The following SMAD4 variants were observed in gnomAD, a reference collection of about 807,000 sequenced individuals.
SMAD4 encodes SMAD family member 4.
In SMAD4, 7 loss-of-function variants were observed where a neutral mutation model predicts 63.2. That is an observed-to-expected ratio of 0.11 (90% CI 0.06 to 0.21). The LOEUF (loss-of-function observed/expected upper bound fraction) is 0.21, where lower values mean the gene tolerates loss of function less well. Ranked by LOEUF, SMAD4 falls within the 10% of genes least tolerant of loss-of-function variation. The probability of loss-of-function intolerance (pLI) is 1.00; values close to 1 mark genes in which losing one functional copy is unlikely to be tolerated. For synonymous variants in SMAD4, 215 were observed against 235.4 expected, an observed-to-expected ratio of 0.91 and a Z score of 0.79; for missense variants, 312 against 693.8, an observed-to-expected ratio of 0.45 and a Z score of 6.18.
rs1909572382 is a variant in SMAD4 at position 51,047,286 on chromosome 18, G to A, written c.240G>A (p.Gly80=). 6.2e-7 allele frequency: 1 copy of A among 1,613,834 alleles called. No homozygotes were observed. Among genetic ancestry groups the A allele is most frequent in the Non-Finnish European group, 8.5e-7 (1 of 1,179,870 alleles). Residue 80 remains glycine, a synonymous_variant, in exon 2 of 12, where the codon GGG becomes GGA. Transcript: ENST00000342988. ...TTACCATACAGAGAACATTGGATGG[G>A]AGGCTTCAGGTTAGTCTTATAAGAG... The part of the protein sequence containing the change: ...KCVTIQRTLD[G]RLQVAGRKGF...
At chr18:51,042,516 C>T (rs1483080305) in intron 1 of SMAD4, among the ~76,000 whole-genome samples, 11 of 151,818 alleles carry the variant, frequency 7.2e-5, no homozygotes, top group Admixed American at 2.6e-4. Flanking sequence ...GGACTATAGG[C>T]ATGTGCCACC....
At position 51,078,662 on chromosome 18, in the gene SMAD4, G is replaced by A. The variant is rs1234110198; in HGVS notation, c.*195G>A. ...ATTTTTTTTTTCCTCTTCAGAACTT[G>A]TCAGGCATGGCTCAGAGCTTGAAGA... On this transcript the variant is annotated 3_prime_UTR_variant, in exon 12 of 12. Coordinates refer to ENST00000342988, the MANE Select transcript of SMAD4 (RefSeq NM_005359.6). The A allele has an allele frequency of 1.8e-6, 1 of 565,524 alleles. No individual in the cohort carries two copies. Among genetic ancestry groups the A allele is most frequent in the Non-Finnish European group, 3.1e-6 (1 of 318,186 alleles). 35.0% of individuals were successfully genotyped at this position (565,524 alleles called of 1,614,324 possible).
At chr18:51,053,445 G>A (rs1389929209) in intron 4 of SMAD4, 1 of 151,968 alleles carries the variant, frequency 6.6e-6, no homozygotes, top group Non-Finnish European at 1.5e-5. Context: ...ATGAGTGGTT[G>A]TGTTCAGTTT....
rs2144452098 is a variant in SMAD4 at position 51,067,076 on chromosome 18, C to T, written c.1197C>T (p.Val399=). Residue 399 remains valine, a synonymous_variant, in exon 10 of 12, where the codon GTC becomes GTT. Transcript: ENST00000342988. ...GTAAAGGTGAAGGTGATGTTTGGGT[C>T]AGGTGCCTTAGTGACCACGCGGTCT... The part of the protein sequence containing the change: ...LECKGEGDVW[V]RCLSDHAVFV... 6.2e-7 allele frequency: 1 copy of T among 1,613,504 alleles called. No individual in the cohort carries two copies. The highest frequency in any genetic ancestry group is 1.7e-4 in the Middle Eastern group (1 of 6,060).
Position 51,081,538 on chromosome 18 carries a change from C to T in SMAD4, c.*3071C>T, listed in dbSNP as rs1910612969. 4.3e-6 allele frequency: 1 copy of T among 231,958 alleles called. No homozygotes were observed. The highest frequency in any genetic ancestry group is 8.5e-6 in the Non-Finnish European group (1 of 117,334). The allele number at this position is 231,958 out of a possible 1,614,324, so 14.4% of individuals were successfully genotyped here. A position where few individuals can be genotyped will look rare whatever the true frequency, so the allele number is the denominator to read the frequency against. On this transcript the variant is annotated 3_prime_UTR_variant, in exon 12 of 12. Coordinates refer to ENST00000342988, the MANE Select transcript of SMAD4 (RefSeq NM_005359.6). ...GTAACCACTAAATAGGTTGCCTATA[C>T]CATTCCTCCTGTGAACAGTGCAGAT... is the stretch of plus-strand genomic sequence containing the variant.
At chr18:51,059,069 C>T (rs1307921446) in intron 7 of SMAD4, among the ~76,000 whole-genome samples, 1 of 151,892 alleles carries the variant, frequency 6.6e-6, no homozygotes, top group Non-Finnish European at 1.5e-5. Flanking sequence ...GCAAAATTAC[C>T]CTGAATCCTG....
rs140511143 is a variant in SMAD4, at chr18:51,038,515, T to C, written c.-128+7892T>C. Reference sequence around the variant, plus strand: ...GAATAAAAGATGAATATCCATTGTTTTCTGAGAAGGCTGTTAAAATACTCC... The same window carrying C: ...GAATAAAAGATGAATATCCATTGTTCTCTGAGAAGGCTGTTAAAATACTCC... On this transcript the variant is annotated intron_variant, in intron 1 of 11. Coordinates refer to ENST00000342988, the MANE Select transcript of SMAD4 (RefSeq NM_005359.6). Among the ~76,000 whole-genome samples, 1,211 of 152,330 alleles carry C rather than the reference T, an allele frequency of 7.9e-3. 66 individuals are homozygous for C. Among genetic ancestry groups the C allele is most frequent in the Admixed American group, 0.071 (1,093 of 15,294 alleles).
In SMAD4 at chr18:51,081,673, C is replaced by T. The variant is rs1910616145; in HGVS notation, c.*3206C>T. On this transcript the variant is annotated 3_prime_UTR_variant, in exon 12 of 12. Coordinates refer to ENST00000342988, the MANE Select transcript of SMAD4 (RefSeq NM_005359.6). ...AGACTTAAAATCCATTTTTGTGGGG[C>T]AGGGTGTGGTGTGTAAAGGGGGGTG... 1 of 232,500 alleles carries T rather than the reference C, an allele frequency of 4.3e-6. No homozygotes were observed. The highest frequency in any genetic ancestry group is 2.2e-5 in the African/African-American group (1 of 45,212). 14.4% of individuals were successfully genotyped at this position (232,500 alleles called of 1,614,324 possible). A position where few individuals can be genotyped will look rare whatever the true frequency, so the allele number is the denominator to read the frequency against.
At chr18:51,078,204 A>T (rs374123311) in intron 11 of SMAD4, 52 bp from the exon 12 acceptor site, 189 of 1,380,960 alleles carry the variant, frequency 1.4e-4, no homozygotes, top group Non-Finnish European at 1.9e-4. Context: ...TGTAGGGAGG[A>T]TGGGAAGAGA....
chr18:51,032,444 A>G (rs897615537), intron 1 of SMAD4, among the ~76,000 whole-genome samples: 1 of 152,194 alleles, frequency 6.6e-6, no homozygotes, highest in African/African-American at 2.4e-5. Flanking sequence ...TACATGAATG[A>G]TTGATCTTTT....
chr18:51,044,175 C>T (rs1033622596), intron 1 of SMAD4, among the ~76,000 whole-genome samples: 7 of 152,126 alleles, frequency 4.6e-5, no homozygotes, highest in Non-Finnish European at 2.9e-5. Context: ...TACTGAGTCT[C>T]ACTCTGTTGC....
At chr18:51,036,498 A>G (rs1045186159) in intron 1 of SMAD4, among the ~76,000 whole-genome samples, 1 of 152,196 alleles carries the variant, frequency 6.6e-6, no homozygotes, top group Non-Finnish European at 1.5e-5. Context: ...CATTGTACAT[A>G]AACACATTAG....
chr18:51,037,220 T>C (rs7240396), intron 1 of SMAD4, among the ~76,000 whole-genome samples: 4 of 152,226 alleles, frequency 2.6e-5, no homozygotes, highest in African/African-American at 9.6e-5. Flanking sequence ...TATTTTTCAG[T>C]TATCAGTTAT....
Position 51,084,012 on chromosome 18 carries a change from GCACACA to G in SMAD4, c.*5572_*5577del, listed in dbSNP as rs56017493. On this transcript the variant is annotated 3_prime_UTR_variant, in exon 12 of 12. Transcript: ENST00000342988. ...TTAACGCGCGTGCGCACGCGCGCGC[GCACACA>G]CACACACACACACACACACACACAC... The G allele has an allele frequency of 0.015, 2,454 of 162,842 alleles. 61 individuals are homozygous for G. The highest frequency in any genetic ancestry group is 0.062 in the African/African-American group (2,165 of 35,184). The allele number at this position is 162,842 out of a possible 1,614,324, so 10.1% of individuals were successfully genotyped here.
At chr18:51,077,643 T>C (rs1043331984) in intron 11 of SMAD4, among the ~76,000 whole-genome samples, 1 of 152,202 alleles carries the variant, frequency 6.6e-6, no homozygotes, top group Non-Finnish European at 1.5e-5. Context: ...GAATTTGATT[T>C]TTTAAAATTT....
chr18:51,044,867 C>T (rs1463903313), intron 1 of SMAD4: 2 of 152,190 alleles, frequency 1.3e-5, no homozygotes, highest in Non-Finnish European at 2.9e-5. Flanking sequence ...AATCTCTTGA[C>T]TCCAAAATCT....
chr18:51,043,860 C>T (rs1215423727), intron 1 of SMAD4, among the ~76,000 whole-genome samples: 1 of 152,186 alleles, frequency 6.6e-6, no homozygotes, highest in Non-Finnish European at 1.5e-5. Context: ...TCAAAAGTGT[C>T]TGCACTCTTC....
At chr18:51,066,079 C>T (rs1052794614) in intron 9 of SMAD4, among the ~76,000 whole-genome samples, 2 of 152,084 alleles carry the variant, frequency 1.3e-5, no homozygotes, top group South Asian at 2.1e-4. Context: ...AGGCTGGGTG[C>T]GGTGGCTCAC....
Position 51,054,865 on chromosome 18 carries a change from A to C in SMAD4, c.539A>C (p.Gln180Pro). ...TTGTCCACTGAAGGACATTCAATTC[A>C]AACCATCCAGCATCCACCAAGTAAT... ...PSLSTEGHSI[Q>P]TIQHPPSNRA... The change falls in exon 5 of 12, where the codon CAA (glutamine) becomes CCA (proline). Residue 180 changes from glutamine to proline, a missense_variant. Gln to Pro is a moderately conservative substitution (Grantham distance 76). This residue lies in a region of SMAD4 where 169 missense variants were observed against 211.0 expected (regional missense o/e 0.80). Transcript: ENST00000342988. The C allele has an allele frequency of 6.2e-7, 1 of 1,614,126 alleles. No individual in the cohort carries two copies. The highest frequency in any genetic ancestry group is 1.1e-5 in the South Asian group (1 of 91,082).
Sources: allele counts gnomAD v4.1 joint callset (sites outside exome capture counted in the v4.1 genomes callset), GRCh38; gene constraint gnomAD v4.1.1; regional missense constraint gnomAD v4.1.1; transcripts MANE v1.5; gene names NCBI Gene and HGNC (gene_info 2026-07-23, HGNC 2026-07-21).